LRFN2: variants seen among roughly 807,000 people sequenced by gnomAD.
The protein encoded by LRFN2 is leucine-rich repeat and fibronectin type-III domain-containing protein 2.
Under a neutral mutation model 37.3 loss-of-function variants are expected in LRFN2, and 18 were observed. The observed-to-expected ratio is 0.48, with a 90% CI of 0.33 to 0.72. The LOEUF is 0.72. Among genes scored for constraint, LRFN2 ranks in the 30% least tolerant of loss-of-function variants. The probability of loss-of-function intolerance (pLI) is 0.02; values close to 1 mark genes in which losing one functional copy is unlikely to be tolerated. For missense variants in LRFN2, 1,006 were observed against 1,060.7 expected (o/e 0.95, Z 0.72); for synonymous variants, 556 against 466.6 (o/e 1.19, Z -2.47).
intron 1 of LRFN2, among the ~76,000 whole-genome samples, chr6:40,541,939 G>T (rs1159219206): frequency 1.3e-5 from 2 of 152,204 alleles, no homozygotes; most frequent in East Asian, 3.9e-4. Context: ...AGCATGCAGA[G>T]TGTCAGGCAG....
intron 1 of LRFN2, among the ~76,000 whole-genome samples, chr6:40,510,624 G>T (rs1273708995): frequency 6.6e-6 from 1 of 152,238 alleles, no homozygotes; most frequent in Admixed American, 6.5e-5. Context: ...GTGCCCCAGG[G>T]AGTTTACATT....
chr6:40,571,075 C>T (rs1007295724), intron 1 of LRFN2, among the ~76,000 whole-genome samples: 14 of 152,328 alleles, frequency 9.2e-5, no homozygotes, highest in African/African-American at 3.4e-4. Flanking sequence ...AGAGGAATCA[C>T]CTCTTGCTGG....
intron 1 of LRFN2, among the ~76,000 whole-genome samples, chr6:40,469,333 T>C (rs1581729836): frequency 6.6e-6 from 1 of 152,310 alleles, no homozygotes; most frequent in East Asian, 1.9e-4. Context: ...TTCTGTTGGC[T>C]TAAGCCATCC....
chr6:40,501,553 C>T (rs1474860315), intron 1 of LRFN2: 1 of 151,790 alleles, frequency 6.6e-6, no homozygotes, highest in Non-Finnish European at 1.5e-5. Flanking sequence ...GTCTTAAACT[C>T]CTGAGTTCGA....
intron 1 of LRFN2, among the ~76,000 whole-genome samples, chr6:40,435,044 T>TAGAGAG (rs1157817201): frequency 3.4e-5 from 3 of 88,610 alleles, no homozygotes; most frequent in African/African-American, 5.3e-5. Flanking sequence ...TATATATATA[T>TAGAGAG]ATATATATAG....
chr6:40,510,413 T>A (rs1337845786), intron 1 of LRFN2, among the ~76,000 whole-genome samples: 1 of 152,214 alleles, frequency 6.6e-6, no homozygotes. Context: ...AGTCCCCCTG[T>A]CTTTTTCCTG....
intron 1 of LRFN2, among the ~76,000 whole-genome samples, chr6:40,488,839 C>A (rs1367081690): frequency 6.6e-6 from 1 of 151,918 alleles, no homozygotes; most frequent in Non-Finnish European, 1.5e-5. Flanking sequence ...GGTTTCAGGG[C>A]AATAGGGTTA....
chr6:40,530,163 C>A (rs2113908594), intron 1 of LRFN2, among the ~76,000 whole-genome samples: 1 of 152,302 alleles, frequency 6.6e-6, no homozygotes, highest in East Asian at 1.9e-4. Context: ...ATCCTCTGGA[C>A]TCTGTGCCAC....
At chr6:40,495,691 C>T (rs2113872676) in intron 1 of LRFN2, among the ~76,000 whole-genome samples, 1 of 152,266 alleles carries the variant, frequency 6.6e-6, no homozygotes, top group South Asian at 2.1e-4. Flanking sequence ...CAGTTTACCC[C>T]CAAAAGCATG....
intron 1 of LRFN2, among the ~76,000 whole-genome samples, chr6:40,473,531 C>A (rs761543960): frequency 1.3e-5 from 2 of 152,146 alleles, no homozygotes; most frequent in African/African-American, 2.4e-5. Context: ...TTCATTAAAC[C>A]CTCACAACAC....
At chr6:40,441,161 C>T (rs904515112) in intron 1 of LRFN2, among the ~76,000 whole-genome samples, 2 of 152,242 alleles carry the variant, frequency 1.3e-5, no homozygotes, top group Non-Finnish European at 2.9e-5. Flanking sequence ...AAAACATCTT[C>T]TACCCAGGGT....
chr6:40,451,728 A>G (rs1194104375), intron 1 of LRFN2, among the ~76,000 whole-genome samples: 2 of 152,180 alleles, frequency 1.3e-5, no homozygotes, highest in Non-Finnish European at 2.9e-5. Context: ...CCTGTTAGAA[A>G]CATGCCAACT....
At position 40,392,781 on chromosome 6, in the gene LRFN2, G is replaced by A; in HGVS notation, c.1532C>T (p.Ala511Val). The change falls in exon 3 of 3, where the codon GCC becomes GTC. Residue 511 changes from alanine to valine, a missense_variant. Around this residue, in one of 4 missense-constraint regions of LRFN2, gnomAD observed 120 missense variants for 178.4 expected, o/e 0.67. Coordinates refer to ENST00000338305, the MANE Select transcript of LRFN2 (RefSeq NM_020737.3). The surrounding 1 kb of genome is among the most constrained non-coding windows in gnomAD (Gnocchi z 4.7). ...GTAGTCAGCCTTGGTGAAGAACTGG[G>A]CGCAGCCCACGATGTTGGTGGCCGT... ...TLTATNIVGCAQFFTKADYPQ... is the reference protein window; with the variant it reads ...TLTATNIVGCVQFFTKADYPQ... 1 of 1,614,152 alleles carries A rather than the reference G, an allele frequency of 6.2e-7. No individual in the cohort carries two copies. Among genetic ancestry groups the A allele is most frequent in the Admixed American group, 1.7e-5 (1 of 60,028 alleles).
intron 1 of LRFN2, among the ~76,000 whole-genome samples, chr6:40,520,156 A>G (rs1323628421): frequency 6.6e-6 from 1 of 152,158 alleles, no homozygotes; most frequent in African/African-American, 2.4e-5. Context: ...GATGAGACTC[A>G]GCTTTGGTTT....
At chr6:40,431,657 CCCT>C in intron 2 of LRFN2, 54 bp downstream of exon 2, 1 of 1,445,592 alleles carries the variant, frequency 6.9e-7, no homozygotes, top group Non-Finnish European at 9.2e-7. Context: ...CCTCCCCATC[CCCT>C]CCTCCTTCCC....
At chr6:40,582,848 A>G (rs1418530604) in intron 1 of LRFN2, among the ~76,000 whole-genome samples, 6 of 152,128 alleles carry the variant, frequency 3.9e-5, no homozygotes, top group Non-Finnish European at 8.8e-5. Flanking sequence ...CCTCTGTTCA[A>G]AGTTTAGCCT....
chr6:40,514,540 C>T (rs770260348), intron 1 of LRFN2, among the ~76,000 whole-genome samples: 9 of 152,142 alleles, frequency 5.9e-5, no homozygotes, highest in Non-Finnish European at 1.3e-4. Flanking sequence ...ATCTTGAACT[C>T]CTGACCTCAG....
At chr6:40,566,640 A>T (rs1184428705) in intron 1 of LRFN2, among the ~76,000 whole-genome samples, 1 of 151,724 alleles carries the variant, frequency 6.6e-6, no homozygotes, top group Non-Finnish European at 1.5e-5. Context: ...ATGGACAAAA[A>T]ACCAAACACC....
intron 1 of LRFN2, among the ~76,000 whole-genome samples, chr6:40,434,757 C>T (rs1440329774): frequency 2.0e-5 from 3 of 151,594 alleles, no homozygotes; most frequent in Admixed American, 1.3e-4. Flanking sequence ...GGATTACAAG[C>T]GTGAGCCACC....
Sources: gnomAD v4.1 joint callset for allele counts (sites outside exome capture counted in the v4.1 genomes callset) on GRCh38, gnomAD v4.1.1 for gene constraint, gnomAD v4.1.1 regional missense constraint, Gnocchi (gnomAD v3.1) non-coding constraint, MANE v1.5 for transcripts, NCBI Gene and HGNC (gene_info 2026-07-23, HGNC 2026-07-21) for gene names.